The following TRIM2 variants were observed in gnomAD, a reference collection of about 807,000 sequenced individuals.
TRIM2 encodes tripartite motif-containing protein 2.
Under a neutral mutation model 75.2 loss-of-function variants are expected in TRIM2, and 20 were observed. The observed-to-expected ratio is 0.27, with a 90% CI of 0.19 to 0.39. TRIM2 has a LOEUF of 0.39. Ranked by LOEUF, TRIM2 falls within the 10% of genes least tolerant of loss-of-function variation. The pLI is 1.00. For synonymous variants in TRIM2, 373 were observed against 388.3 expected (o/e 0.96, Z 0.46); for missense variants, 660 against 990.8 (o/e 0.67, Z 4.48).
At position 153,237,143 on chromosome 4, in the gene TRIM2, G is replaced by T. The variant is rs577900520; in HGVS notation, c.30+32583G>T. On this transcript the variant is annotated intron_variant, in intron 1 of 11. Transcript: ENST00000338700. ...TCTGCTTGCTAATTTAACTTTTGGG[G>T]GTTGGGGTGTGGGAAATTAAGGTTT... Among the ~76,000 whole-genome samples the T allele has an allele frequency of 2.6e-5, 4 of 152,160 alleles. No homozygotes were observed. In the South Asian group the frequency reaches 8.3e-4, roughly 32 times the overall value.
At chr4:153,170,486 T>C (rs997540772) in intron 1 of TRIM2, among the ~76,000 whole-genome samples, 22 of 152,070 alleles carry the variant, frequency 1.4e-4, no homozygotes, top group Non-Finnish European at 2.8e-4. Context: ...GCAGATTAGT[T>C]GCAAAGCATC....
chr4:153,290,874 C>T (rs1761713402), intron 3 of TRIM2, among the ~76,000 whole-genome samples: 2 of 152,164 alleles, frequency 1.3e-5, no homozygotes, highest in African/African-American at 2.4e-5. Context: ...AGTGATCCTC[C>T]CACCTTGGCC....
At chr4:153,188,957 A>T (rs979988456) in intron 1 of TRIM2, among the ~76,000 whole-genome samples, 1 of 151,968 alleles carries the variant, frequency 6.6e-6, no homozygotes, top group African/African-American at 2.4e-5. Flanking sequence ...TACTCCCTTC[A>T]TTTGTGGATA....
intron 1 of TRIM2, among the ~76,000 whole-genome samples, chr4:153,240,844 C>G (rs1043670585): frequency 6.6e-6 from 1 of 152,238 alleles, no homozygotes; most frequent in African/African-American, 2.4e-5. Flanking sequence ...TTTGGGAGGC[C>G]GAAGCAGGCG....
chr4:153,203,394 TACACACAC>T (rs35049904), upstream of TRIM2, among the ~76,000 whole-genome samples: 31 of 141,380 alleles, frequency 2.2e-4, no homozygotes, highest in African/African-American at 4.6e-4. Context: ...CCCACATCTC[TACACACAC>T]ACACACACAC....
chr4:153,322,398 G>A (rs1769199476), intron 8 of TRIM2, among the ~76,000 whole-genome samples: 2 of 152,166 alleles, frequency 1.3e-5, no homozygotes, highest in South Asian at 2.1e-4. Context: ...ACAACAGAAT[G>A]AGACTTCGTC....
chr4:153,257,700 G>A (rs1752412700), intron 1 of TRIM2: 3 of 844,082 alleles, frequency 3.6e-6, no homozygotes, highest in Non-Finnish European at 5.2e-6. Context: ...CCGCGTAGCT[G>A]CAGCGACAGA....
chr4:153,260,665 A>C (rs1753176665), intron 1 of TRIM2, among the ~76,000 whole-genome samples: 3 of 130,494 alleles, frequency 2.3e-5, no homozygotes, highest in African/African-American at 9.1e-5. Flanking sequence ...TTCCCCCCAA[A>C]ACACACACAC....
At position 153,322,761 on chromosome 4, in the gene TRIM2, C is replaced by T. The variant is rs765696015; in HGVS notation, c.1896C>T (p.Asn632=). 55 of 1,614,058 alleles carry T rather than the reference C, an allele frequency of 3.4e-5. No homozygotes were observed. Among genetic ancestry groups the T allele is most frequent in the African/African-American group, 4.0e-5 (3 of 74,932 alleles). Residue 632 remains asparagine, a synonymous_variant, in exon 9 of 12, where the codon AAC becomes AAT. Coordinates refer to ENST00000338700, the MANE Select transcript of TRIM2 (RefSeq NM_015271.5). ...KACCVFIFQP[N]GKIVTRFGSR... is the part of the protein sequence containing the mutation. ...GCTGCGTGTTTATCTTCCAGCCAAA[C>T]GGGAAAATAGTCACCAGGTTTGGTA...
rs1560966410 is a variant in TRIM2 at position 153,295,418 on chromosome 4, C to T, written c.892C>T (p.Leu298=). 1.2e-6 allele frequency: 2 copies of T among 1,614,176 alleles called. No homozygotes were observed. Among genetic ancestry groups the T allele is most frequent in the Non-Finnish European group, 1.7e-6 (2 of 1,180,004 alleles). ...ALNHGTETEV[L]LVKKQMSEKL... ...CAACCATGGCACGGAGACCGAGGTCCTACTGGTGAAGAAGCAGATGAGCGA... is the reference window on the plus strand; with the variant it reads ...CAACCATGGCACGGAGACCGAGGTCTTACTGGTGAAGAAGCAGATGAGCGA... The change falls in exon 6 of 12, where the codon CTA becomes TTA. Residue 298 remains leucine (L), a synonymous_variant. Transcript: ENST00000338700. The surrounding 1 kb of genome is among the most constrained non-coding windows in gnomAD (Gnocchi z 7.2).
chr4:153,336,925 C>G lies in TRIM2; in HGVS notation c.*1959C>G. Reference sequence around the variant, plus strand: ...AACTTTTTAGAATGTTAAATGAAGACACTGTTTCCTAACATCAGTGAGATA... The same window carrying G: ...AACTTTTTAGAATGTTAAATGAAGAGACTGTTTCCTAACATCAGTGAGATA... On this transcript the variant is annotated 3_prime_UTR_variant, in exon 12 of 12. Coordinates refer to ENST00000338700, the MANE Select transcript of TRIM2 (RefSeq NM_015271.5). 2.0e-6 allele frequency: 2 copies of G among 984,606 alleles called. No individual in the cohort carries two copies. Among genetic ancestry groups the G allele is most frequent in the Non-Finnish European group, 2.4e-6 (2 of 829,136 alleles). 61.0% of individuals were successfully genotyped at this position (984,606 alleles called of 1,614,324 possible). A position where few individuals can be genotyped will look rare whatever the true frequency, so the allele number is the denominator to read the frequency against.
intron 1 of TRIM2, among the ~76,000 whole-genome samples, chr4:153,239,103 A>G (rs1418596603): frequency 6.6e-6 from 1 of 152,220 alleles, no homozygotes; most frequent in African/African-American, 2.4e-5. Context: ...CTGTAATCCC[A>G]GCACTTTGGG....
intron 1 of TRIM2, among the ~76,000 whole-genome samples, chr4:153,207,115 C>A (rs955215633): frequency 3.3e-5 from 5 of 152,268 alleles, no homozygotes; most frequent in Middle Eastern, 3.4e-3. Flanking sequence ...ATATATATTT[C>A]TTATTATAAA....
At chr4:153,302,837 T>C (rs1764200808) in intron 6 of TRIM2, among the ~76,000 whole-genome samples, 1 of 152,248 alleles carries the variant, frequency 6.6e-6, no homozygotes, top group African/African-American at 2.4e-5. Flanking sequence ...CCCAAGATGG[T>C]AAATTCCTTA....
rs1452876219 is a variant in TRIM2 at position 153,338,916 on chromosome 4, T to C, written c.*3950T>C. The C allele has an allele frequency of 1.0e-6, 1 of 985,536 alleles. No individual in the cohort carries two copies. Among genetic ancestry groups the C allele is most frequent in the Admixed American group, 6.2e-5 (1 of 16,242 alleles). 61.0% of individuals were successfully genotyped at this position (985,536 alleles called of 1,614,324 possible). A position where few individuals can be genotyped will look rare whatever the true frequency, so the allele number is the denominator to read the frequency against. On this transcript the variant is annotated 3_prime_UTR_variant, in exon 12 of 12. Coordinates refer to ENST00000338700, the MANE Select transcript of TRIM2 (RefSeq NM_015271.5). ...TAGAATTCTTTATATCGTTCTCAAT[T>C]CTATAGACTTTCAAGCCTATGTATG...
chr4:153,280,039 A>G (rs1302498602), intron 3 of TRIM2, among the ~76,000 whole-genome samples: 1 of 150,958 alleles, frequency 6.6e-6, no homozygotes, highest in Non-Finnish European at 1.5e-5. Context: ...GTGCCAAAGT[A>G]CTCCTGCTTG....
intron 1 of TRIM2, among the ~76,000 whole-genome samples, chr4:153,259,569 G>A (rs1038298113): frequency 6.6e-6 from 1 of 152,248 alleles, no homozygotes; most frequent in African/African-American, 2.4e-5. Flanking sequence ...ATTATTTACT[G>A]TCATAGTTTT....
intron 1 of TRIM2, among the ~76,000 whole-genome samples, chr4:153,247,635 G>A (rs558820433): frequency 6.3e-5 from 8 of 126,848 alleles, no homozygotes; most frequent in East Asian, 5.2e-4. Flanking sequence ...CTGAGATAGC[G>A]CCACCACACT....
intron 1 of TRIM2, among the ~76,000 whole-genome samples, chr4:153,242,091 C>T (rs1746773579): frequency 6.6e-6 from 1 of 152,194 alleles, no homozygotes; most frequent in African/African-American, 2.4e-5. Flanking sequence ...TGATGCCAAC[C>T]ACGTGGGTCC....
Sources: gnomAD v4.1 joint callset for allele counts (sites outside exome capture counted in the v4.1 genomes callset) on GRCh38, gnomAD v4.1.1 for gene constraint, Gnocchi (gnomAD v3.1) non-coding constraint, MANE v1.5 for transcripts, NCBI Gene and HGNC (gene_info 2026-07-23, HGNC 2026-07-21) for gene names.